Variants in PCDH11X observed in about 807,000 individuals in gnomAD.
PCDH11X encodes protocadherin-11 X-linked.
In PCDH11X, 18 loss-of-function variants were observed where a neutral mutation model predicts 53.3. The observed-to-expected ratio is 0.34, with a 90% confidence interval of 0.23 to 0.50. The LOEUF is 0.50. Ranked by LOEUF, PCDH11X falls within the 20% of genes least tolerant of loss-of-function variation. The pLI is 0.98. For synonymous variants in PCDH11X, 279 were observed against 393.3 expected (o/e 0.71, Z 3.44); for missense variants, 570 against 1,032.4 (o/e 0.55, Z 6.14).
At chrX:91,926,113 C>T (rs2362486) in intron 6 of PCDH11X, among the ~76,000 whole-genome samples, 15,076 of 88,438 alleles carry the variant, frequency 0.17, 914 homozygotes, top group East Asian at 0.28. Flanking sequence ...CACACACACA[C>T]ATATATATAT....
At chrX:92,494,317 A>G (rs901389565) in intron 10 of PCDH11X, among the ~76,000 whole-genome samples, 4 of 103,996 alleles carry the variant, frequency 3.8e-5, no homozygotes, top group Non-Finnish European at 5.9e-5. Context: ...GTGATTCAAG[A>G]GATATATTTT....
At position 92,587,651 on chromosome X, in the gene PCDH11X, C is replaced by T. The variant is rs776213247; in HGVS notation, c.3368-30613C>T. 5.0e-3 allele frequency among the ~76,000 whole-genome samples: 545 copies of T among 109,613 alleles called. 3 individuals are homozygous for T. Among genetic ancestry groups the T allele is most frequent in the African/African-American group, 0.017 (507 of 30,055 alleles). On this transcript the variant is annotated intron_variant, in intron 10 of 10. Coordinates refer to ENST00000682573, the MANE Select transcript of PCDH11X (RefSeq NM_032968.5). Reference sequence around the variant, plus strand: ...TATTGAATTGTGCTAAAATATATTTCGATATACTGTAATTTTTTCTGACTT... The same window carrying T: ...TATTGAATTGTGCTAAAATATATTTTGATATACTGTAATTTTTTCTGACTT...
At chrX:92,475,205 A>G (rs2073356600) in intron 10 of PCDH11X, among the ~76,000 whole-genome samples, 1 of 105,801 alleles carries the variant, frequency 9.5e-6, no homozygotes, top group Non-Finnish European at 1.9e-5. Flanking sequence ...AATAGTTTAC[A>G]CACCAAAGTT....
intron 5 of PCDH11X, among the ~76,000 whole-genome samples, chrX:91,868,990 G>T (rs1463832631): frequency 9.0e-6 from 1 of 111,576 alleles, no homozygotes; most frequent in East Asian, 2.8e-4. Context: ...TAGTAACGGT[G>T]AATTTTGTTT....
intron 6 of PCDH11X, among the ~76,000 whole-genome samples, chrX:92,017,660 G>T (rs1291223033): frequency 9.8e-6 from 1 of 101,617 alleles, no homozygotes; most frequent in Non-Finnish European, 2.0e-5. Flanking sequence ...AGCCAAGATG[G>T]TGCCACGGCA....
chrX:92,258,975 C>T (rs193237474), intron 7 of PCDH11X, among the ~76,000 whole-genome samples: 105 of 111,020 alleles, frequency 9.5e-4, no homozygotes, highest in African/African-American at 3.2e-3. Flanking sequence ...CTGCCAGGTT[C>T]TTTGCTAGTG....
intron 6 of PCDH11X, among the ~76,000 whole-genome samples, chrX:92,014,778 C>T (rs1343011729): frequency 4.5e-5 from 5 of 111,171 alleles, no homozygotes; most frequent in African/African-American, 9.8e-5. Context: ...AGCAAACTAT[C>T]GCAAGGAGAA....
At chrX:92,276,423 G>A (rs868026871) in intron 8 of PCDH11X, among the ~76,000 whole-genome samples, 3 of 110,099 alleles carry the variant, frequency 2.7e-5, no homozygotes, top group South Asian at 3.9e-4. Context: ...TGAACAGTCC[G>A]ATTTCCAGTG....
intron 6 of PCDH11X, among the ~76,000 whole-genome samples, chrX:92,140,385 T>C (rs1212999923): frequency 3.6e-5 from 4 of 111,707 alleles, no homozygotes; most frequent in South Asian, 3.7e-4. Context: ...TTATAGAATA[T>C]GGTTAACTTT....
intron 10 of PCDH11X, among the ~76,000 whole-genome samples, chrX:92,471,099 T>G: frequency 1.1e-5 from 1 of 91,993 alleles, no homozygotes; most frequent in Non-Finnish European, 2.1e-5. Context: ...GGAAGATATA[T>G]TTTTTCTTTT....
intron 9 of PCDH11X, among the ~76,000 whole-genome samples, chrX:92,449,637 C>G (rs769361768): frequency 9.0e-6 from 1 of 111,387 alleles, no homozygotes; most frequent in Non-Finnish European, 1.9e-5. Flanking sequence ...CACACAGTAT[C>G]GTGATTATAT....
At chrX:92,437,661 A>G (rs959151542) in intron 9 of PCDH11X, among the ~76,000 whole-genome samples, 24 of 109,830 alleles carry the variant, frequency 2.2e-4, no homozygotes, top group African/African-American at 8.0e-4. Context: ...GCTTTCTTAC[A>G]TGGAATGGCC....
At chrX:92,258,175 T>C (rs187418672) in intron 7 of PCDH11X, among the ~76,000 whole-genome samples, 67 of 110,463 alleles carry the variant, frequency 6.1e-4, no homozygotes, top group Admixed American at 5.8e-3. Context: ...GAGACTGGGA[T>C]TCAGGGAGCA....
chrX:92,357,830 G>GT (rs775851782), intron 8 of PCDH11X, among the ~76,000 whole-genome samples: 3 of 111,388 alleles, frequency 2.7e-5, no homozygotes, highest in Non-Finnish European at 3.8e-5. Context: ...TGTTATGTCT[G>GT]TTTTTTTATA....
intron 9 of PCDH11X, among the ~76,000 whole-genome samples, chrX:92,452,493 ATATATGT>A (rs2072814809): frequency 2.1e-5 from 1 of 47,594 alleles, no homozygotes; most frequent in African/African-American, 1.7e-4. Context: ...ATATATATAT[ATATATGT>A]TTTTTTTTTT....
rs1241164299 is a variant in PCDH11X at position 92,035,333 on chromosome X, A to G, written c.3033+156060A>G. 4.5e-5 allele frequency among the ~76,000 whole-genome samples: 5 copies of G among 111,555 alleles called. No individual in the cohort carries two copies. The East Asian group carries it at 1.4e-3, about 32-fold the overall frequency. The stretch of plus-strand genomic sequence containing the variant: ...TTCTTGTAGCACGTATCTGGTGTTT[A>G]TGAAATTCCTCAGCTTTTGTTTCTC... On this transcript the variant is annotated intron_variant, in intron 6 of 10. Transcript: ENST00000682573.
At chrX:92,335,679 T>C (rs1169973949) in intron 8 of PCDH11X, among the ~76,000 whole-genome samples, 3 of 111,311 alleles carry the variant, frequency 2.7e-5, no homozygotes, top group Non-Finnish European at 5.7e-5. Flanking sequence ...ACACTTACAA[T>C]GAGTAACAAA....
At chrX:92,129,630 A>G (rs2064935888) in intron 6 of PCDH11X, among the ~76,000 whole-genome samples, 2 of 111,897 alleles carry the variant, frequency 1.8e-5, no homozygotes, top group African/African-American at 3.2e-5. Context: ...AAAATGCTAT[A>G]TGACCAAAAA....
intron 6 of PCDH11X, among the ~76,000 whole-genome samples, chrX:91,900,344 A>G (rs745533047): frequency 3.8e-4 from 42 of 110,782 alleles, no homozygotes; most frequent in Admixed American, 9.6e-4. Flanking sequence ...AGGCCAGCAG[A>G]ACGTAATGTC....
Sources: allele counts gnomAD v4.1 joint callset (sites outside exome capture counted in the v4.1 genomes callset), GRCh38; gene constraint gnomAD v4.1.1; transcripts MANE v1.5; gene names NCBI Gene and HGNC (gene_info 2026-07-23, HGNC 2026-07-21).